CYB561: variants seen among roughly 807,000 people sequenced by gnomAD.
CYB561 encodes the protein cytochrome b561.
CYB561 carries 11 observed loss-of-function variants against 25.3 expected under a neutral mutation model. The observed-to-expected ratio is 0.44, with a 90% CI of 0.27 to 0.72. CYB561 has a LOEUF of 0.72. CYB561 is among the 30% of genes least tolerant of loss of function. The pLI, the probability that CYB561 is intolerant of heterozygous loss-of-function variation, is 0.18. For synonymous variants in CYB561, 165 were observed against 158.8 expected (o/e 1.04, Z -0.29); for missense variants, 295 against 334.9 (o/e 0.88, Z 0.93).
At chr17:63,435,578 A>C in intron 4 of CYB561, 110 bp downstream of exon 4, 1 of 935,194 alleles carries the variant, frequency 1.1e-6, no homozygotes, top group East Asian at 2.6e-5. Flanking sequence ...TCTCACCTGC[A>C]CACACCCCAG....
In CYB561 at chr17:63,432,825, G is replaced by C. The variant is rs569672261; in HGVS notation, c.*1577C>G. The C allele has an allele frequency of 6.6e-6, 1 of 152,380 alleles. No homozygotes were observed. Among genetic ancestry groups the C allele is most frequent in the South Asian group, 2.1e-4 (1 of 4,832 alleles). 9.4% of individuals were successfully genotyped at this position (152,380 alleles called of 1,614,324 possible). On this transcript the variant is annotated 3_prime_UTR_variant, in exon 6 of 6. Transcript: ENST00000360793. ...AGCAAAAGCCAACTATGGGAAATCT[G>C]AGCATTAGAGGAGACTGGCCCCTTT... is the stretch of plus-strand genomic sequence containing the variant.
chr17:63,440,206 G>C (rs2049360930), intron 1 of CYB561: 1 of 398,638 alleles, frequency 2.5e-6, no homozygotes, highest in Non-Finnish European at 4.4e-6. Flanking sequence ...ACATCCCACA[G>C]ACGCTTCAAA....
chr17:63,434,170 G>C lies in CYB561; in HGVS notation c.*232C>G, dbSNP rs574403178. 3 of 510,916 alleles carry C rather than the reference G, an allele frequency of 5.9e-6. No individual in the cohort carries two copies. Among genetic ancestry groups the C allele is most frequent in the Non-Finnish European group, 1.1e-5 (3 of 284,756 alleles). The allele number at this position is 510,916 out of a possible 1,614,324, so 31.6% of individuals were successfully genotyped here. On this transcript the variant is annotated 3_prime_UTR_variant, in exon 6 of 6. Transcript: ENST00000360793. The stretch of plus-strand genomic sequence containing the variant: ...CTACCCAAAGCCTTCTGCACTGAAG[G>C]GGGCAACAGAGACACGGGAGCCACA...
chr17:63,434,088 C>A lies in CYB561; in HGVS notation c.*314G>T, dbSNP rs1599113529. 3.2e-6 allele frequency: 1 copy of A among 317,408 alleles called. No individual in the cohort carries two copies. The highest frequency in any genetic ancestry group is 4.8e-5 in the Admixed American group (1 of 21,020). The allele number at this position is 317,408 out of a possible 1,614,324, so 19.7% of individuals were successfully genotyped here. On this transcript the variant is annotated 3_prime_UTR_variant, in exon 6 of 6. Transcript: ENST00000360793. Reference sequence around the variant, plus strand: ...ATCTGCTGCCAGGAGGGTGGGGCCTCCTCTCTCGCTTCTTTAAAGATCTGT... The same window carrying A: ...ATCTGCTGCCAGGAGGGTGGGGCCTACTCTCTCGCTTCTTTAAAGATCTGT...
rs200521062 is a variant in CYB561 at position 63,433,648 on chromosome 17, G to T, written c.*754C>A. 19 of 365,000 alleles carry T rather than the reference G, an allele frequency of 5.2e-5. No individual in the cohort carries two copies. In the East Asian group the frequency reaches 7.5e-4, roughly 14 times the overall value. The allele number at this position is 365,000 out of a possible 1,614,324, so 22.6% of individuals were successfully genotyped here. On this transcript the variant is annotated 3_prime_UTR_variant, in exon 6 of 6. Transcript: ENST00000360793. ...TACAAGGAGGGAGCCCCAGCAGGAA[G>T]GGGCTGCAAGGTGCCCCCCATCCCC...
At position 63,436,044 on chromosome 17, in the gene CYB561, G is replaced by A. The variant is rs765230744; in HGVS notation, c.301+10C>T. 27 of 1,613,912 alleles carry A rather than the reference G, an allele frequency of 1.7e-5. No homozygotes were observed. The highest frequency in any genetic ancestry group is 1.2e-4 in the South Asian group (11 of 91,066). ...GCAGGTGGCGGGGAAGGCCGCGCCCGGGAACTCACCAACCAGGGCGATGAC... is the reference window on the plus strand; with the variant it reads ...GCAGGTGGCGGGGAAGGCCGCGCCCAGGAACTCACCAACCAGGGCGATGAC... On this transcript the variant is annotated intron_variant, in intron 3 of 5. Transcript: ENST00000360793. The surrounding 1 kb of genome is among the most constrained non-coding windows in gnomAD (Gnocchi z 4.8).
chr17:63,437,540 C>A lies in CYB561; in HGVS notation c.8G>T (p.Gly3Val). The change falls in exon 2 of 6, where the codon GGC becomes GTC. Residue 3 changes from glycine to valine, a missense_variant. By Grantham distance (109) the Gly-to-Val change is moderately radical. Transcript: ENST00000360793. The stretch of plus-strand genomic sequence containing the variant: ...TGTGGGGGTGGCTGCCGCGGCCCCG[C>A]CCTCCATGCTGAGGCAAACGCTGCA... Reference protein sequence around the residue: MEGGAAAATPTAL... With the variant: MEVGAAAATPTAL... The A allele has an allele frequency of 1.2e-6, 2 of 1,609,482 alleles. No individual in the cohort carries two copies. Among genetic ancestry groups the A allele is most frequent in the African/African-American group, 1.3e-5 (1 of 75,016 alleles).
chr17:63,445,220 T>G (rs1314823595), intron 1 of CYB561, among the ~76,000 whole-genome samples: 1 of 150,608 alleles, frequency 6.6e-6, no homozygotes, highest in East Asian at 1.9e-4. Context: ...AAGAAAGCAA[T>G]AAAGCAAGAA....
intron 1 of CYB561, among the ~76,000 whole-genome samples, chr17:63,441,492 G>A (rs1293719185): frequency 6.6e-6 from 1 of 152,238 alleles, no homozygotes; most frequent in Non-Finnish European, 1.5e-5. Flanking sequence ...CACAGAGGGG[G>A]CCTGGTCCCT....
intron 1 of CYB561, among the ~76,000 whole-genome samples, chr17:63,438,887 C>T (rs981047602): frequency 6.6e-6 from 1 of 152,224 alleles, no homozygotes; most frequent in Non-Finnish European, 1.5e-5. Context: ...TCCCCTCACC[C>T]GGCAGCGGCC....
rs1173633128 is a variant in CYB561 at position 63,433,037 on chromosome 17, G to A, written c.*1365C>T. The A allele has an allele frequency of 5.1e-6, 1 of 197,738 alleles. No homozygotes were observed. The highest frequency in any genetic ancestry group is 1.0e-5 in the Non-Finnish European group (1 of 98,740). 12.2% of individuals were successfully genotyped at this position (197,738 alleles called of 1,614,324 possible). ...AGAGAACAGTCACCAGATCCAAGAA[G>A]CACATGATCGGTGTTCTTTTTTTTT... On this transcript the variant is annotated 3_prime_UTR_variant, in exon 6 of 6. Coordinates refer to ENST00000360793, the MANE Select transcript of CYB561 (RefSeq NM_001915.4).
chr17:63,439,994 T>C (rs1311267873), intron 1 of CYB561, among the ~76,000 whole-genome samples: 2 of 152,118 alleles, frequency 1.3e-5, no homozygotes, highest in Non-Finnish European at 2.9e-5. Context: ...TTCCATCAAA[T>C]CATCTCCCAG....
chr17:63,435,036 T>G (rs1397557428), intron 5 of CYB561, 50 bp downstream of exon 5: 2 of 1,552,584 alleles, frequency 1.3e-6, no homozygotes, highest in Non-Finnish European at 1.7e-6. Context: ...CAGGGTGAGG[T>G]CTGTGCAAGG....
intron 5 of CYB561, 132 bp from the exon 6 acceptor site, chr17:63,434,726 G>C: frequency 2.6e-6 from 2 of 767,478 alleles, no homozygotes; most frequent in African/African-American, 3.5e-5. Flanking sequence ...TGCCTGAAGA[G>C]AACAACCATC....
intron 2 of CYB561, 191 bp downstream of exon 2, chr17:63,437,155 C>T (rs2049311779): frequency 1.7e-6 from 1 of 590,434 alleles, no homozygotes. Flanking sequence ...AGAGGAGCTG[C>T]CACTCACCAA....
intron 1 of CYB561, among the ~76,000 whole-genome samples, chr17:63,443,375 C>T (rs1387902296): frequency 1.3e-5 from 2 of 152,152 alleles, no homozygotes; most frequent in Non-Finnish European, 2.9e-5. Context: ...TCCATTTATC[C>T]TAGGGCGGCT....
intron 1 of CYB561, among the ~76,000 whole-genome samples, chr17:63,441,369 G>A (rs2049373774): frequency 6.6e-6 from 1 of 152,186 alleles, no homozygotes; most frequent in African/African-American, 2.4e-5. Context: ...CAATTTGACA[G>A]GCCAGGAAAT....
chr17:63,435,636 C>T (rs566963460), intron 4 of CYB561, 52 bp downstream of exon 4: 1 of 1,446,220 alleles, frequency 6.9e-7, no homozygotes, highest in East Asian at 2.3e-5. Flanking sequence ...TCCCCTCCTC[C>T]TCCCACCTCC....
In CYB561 at chr17:63,434,357, C is replaced by G. The variant is rs1256187607; in HGVS notation, c.*45G>C. The G allele has an allele frequency of 4.0e-6, 6 of 1,483,558 alleles. No individual in the cohort carries two copies. In the Admixed American group the frequency reaches 1.1e-4, roughly 27 times the overall value. 91.9% of individuals were successfully genotyped at this position (1,483,558 alleles called of 1,614,324 possible). A position where few individuals can be genotyped will look rare whatever the true frequency, so the allele number is the denominator to read the frequency against. ...AGTCCTGAAGACGCCTCAGCAGGGGCAGGCAAGAAGACACCCCGCGAACCC... is the reference window on the plus strand; with the variant it reads ...AGTCCTGAAGACGCCTCAGCAGGGGGAGGCAAGAAGACACCCCGCGAACCC... On this transcript the variant is annotated 3_prime_UTR_variant, in exon 6 of 6. Transcript: ENST00000360793.
Sources: gnomAD v4.1 joint callset for allele counts (sites outside exome capture counted in the v4.1 genomes callset) on GRCh38, gnomAD v4.1.1 for gene constraint, Gnocchi (gnomAD v3.1) non-coding constraint, MANE v1.5 for transcripts, NCBI Gene and HGNC (gene_info 2026-07-23, HGNC 2026-07-21) for gene names.